CDH13: variants seen among roughly 807,000 people sequenced by gnomAD.
CDH13 encodes the protein cadherin 13.
CDH13 carries 24 observed loss-of-function variants against 63.8 expected under a neutral mutation model. That is an observed-to-expected ratio of 0.38 (90% CI 0.27 to 0.53). CDH13 has a LOEUF of 0.53. Among genes scored for constraint, CDH13 ranks in the 20% least tolerant of loss-of-function variants. The probability of loss-of-function intolerance (pLI) is 0.85; values close to 1 mark genes in which losing one functional copy is unlikely to be tolerated. For synonymous variants in CDH13, 503 were observed against 355.3 expected, an observed-to-expected ratio of 1.42 and a Z score of -4.67; for missense variants, 1,049 against 903.1, an observed-to-expected ratio of 1.16 and a Z score of -2.07.
intron 10 of CDH13, among the ~76,000 whole-genome samples, chr16:83,736,906 G>T (rs1409225567): frequency 6.6e-6 from 1 of 152,232 alleles, no homozygotes; most frequent in Non-Finnish European, 1.5e-5. Context: ...GCCTGGAACA[G>T]GTGGTGAGGA....
intron 1 of CDH13, 26 bp from the exon 2 acceptor site, chr16:82,858,336 A>G (rs770307923): frequency 6.6e-7 from 1 of 1,511,838 alleles, no homozygotes; most frequent in Non-Finnish European, 9.2e-7. Context: ...CCGCTATTAA[A>G]ATATTGATGG....
At chr16:83,697,814 A>C (rs1905612823) in intron 10 of CDH13, among the ~76,000 whole-genome samples, 1 of 152,156 alleles carries the variant, frequency 6.6e-6, no homozygotes, top group African/African-American at 2.4e-5. Flanking sequence ...TGCCTGGCTA[A>C]TTTTGTGTTT....
At position 83,588,686 on chromosome 16, in the gene CDH13, G is replaced by T. The variant is rs537728541; in HGVS notation, c.961-13768G>T. Among the ~76,000 whole-genome samples the T allele has an allele frequency of 8.5e-5, 13 of 152,336 alleles. No individual in the cohort carries two copies. In the East Asian group the frequency reaches 2.5e-3, roughly 29 times the overall value. On this transcript the variant is annotated intron_variant, in intron 7 of 13. Transcript: ENST00000567109. ...TCCGGTACTTGATATTTACCACTTT[G>T]TAGATGGCAGGACATTCATCTTCCC...
chr16:83,255,305 T>A (rs751761036), intron 5 of CDH13, among the ~76,000 whole-genome samples: 3 of 152,202 alleles, frequency 2.0e-5, no homozygotes, highest in Non-Finnish European at 4.4e-5. Context: ...CTGCCGGGCC[T>A]CCTGCTCCAT....
rs118119779 is a variant in CDH13 at position 82,781,087 on chromosome 16, G to C, written c.46-77275G>C. On this transcript the variant is annotated intron_variant, in intron 1 of 13. Coordinates refer to ENST00000567109, the MANE Select transcript of CDH13 (RefSeq NM_001257.5). ...TTCCCTAGGCATTGATTTTTTTTAA[G>C]TGTATCTTCTGAAGTTTGCCTCTAG... 5.3e-5 allele frequency among the ~76,000 whole-genome samples: 8 copies of C among 152,302 alleles called. No homozygotes were observed. In the East Asian group the frequency reaches 1.4e-3, roughly 26 times the overall value.
rs2073896700 is a variant in CDH13, at chr16:83,486,609, A to C, written c.914A>C (p.Lys305Thr). Residue 305 changes from lysine to threonine, a missense_variant, in exon 7 of 14, where the codon AAA (lysine) becomes ACA (threonine). Lys to Thr is a moderately conservative substitution (Grantham distance 78, BLOSUM62 -1). Transcript: ENST00000567109. ...SPNMFYIDPE[K>T]GDIVTVVSPA... ...AACATGTTCTACATCGATCCTGAGA[A>C]AGGAGACATTGTCACTGTTGTGTCA... 6.2e-7 allele frequency: 1 copy of C among 1,613,836 alleles called. No individual in the cohort carries two copies. Among genetic ancestry groups the C allele is most frequent in the African/African-American group, 1.3e-5 (1 of 74,930 alleles).
intron 6 of CDH13, among the ~76,000 whole-genome samples, chr16:83,354,082 TAC>T (rs1209863701): frequency 6.6e-6 from 1 of 152,260 alleles, no homozygotes; most frequent in Admixed American, 6.5e-5. Context: ...GTGATCATTC[TAC>T]AGTCTTTTGA....
chr16:82,737,735 C>G (rs1250331327), intron 1 of CDH13, among the ~76,000 whole-genome samples: 3 of 152,192 alleles, frequency 2.0e-5, no homozygotes, highest in South Asian at 4.1e-4. Context: ...CTTTTTTCTC[C>G]TTTTCCTCTT....
chr16:83,239,770 T>C (rs1904302946), intron 5 of CDH13, among the ~76,000 whole-genome samples: 1 of 152,124 alleles, frequency 6.6e-6, no homozygotes, highest in African/African-American at 2.4e-5. Flanking sequence ...GAACCAGAGT[T>C]TCCACCCTCA....
intron 6 of CDH13, among the ~76,000 whole-genome samples, chr16:83,474,179 C>T (rs1229424550): frequency 6.6e-6 from 1 of 152,128 alleles, no homozygotes; most frequent in Non-Finnish European, 1.5e-5. Context: ...GTGCACAGTC[C>T]ACACATGTAT....
At chr16:82,825,864 T>TG (rs2038224117) in intron 1 of CDH13, 1 of 151,330 alleles carries the variant, frequency 6.6e-6, no homozygotes, top group African/African-American at 2.4e-5. Flanking sequence ...TTTTTTTTTG[T>TG]TTGTTTTTGA....
chr16:82,726,719 C>G (rs906528589), intron 1 of CDH13, among the ~76,000 whole-genome samples: 3 of 152,216 alleles, frequency 2.0e-5, no homozygotes, highest in African/African-American at 7.2e-5. Context: ...TAAGAGTTAG[C>G]AGAGATTAAG....
chr16:83,629,340 C>A (rs562710309), intron 8 of CDH13, among the ~76,000 whole-genome samples: 17 of 152,268 alleles, frequency 1.1e-4, no homozygotes, highest in Admixed American at 1.0e-3. Context: ...CATATCTAGC[C>A]AAGAAAAATT....
At chr16:83,122,813 G>C (rs2035643762) in intron 3 of CDH13, among the ~76,000 whole-genome samples, 1 of 152,128 alleles carries the variant, frequency 6.6e-6, no homozygotes, top group Non-Finnish European at 1.5e-5. Flanking sequence ...GGGTACAAGT[G>C]CAGGCTTCTT....
intron 5 of CDH13, among the ~76,000 whole-genome samples, chr16:83,274,420 C>T (rs2088920024): frequency 6.6e-6 from 1 of 152,200 alleles, no homozygotes; most frequent in African/African-American, 2.4e-5. Flanking sequence ...GATCCCTTGC[C>T]TCCCTCACCT....
At chr16:83,625,484 T>G (rs13335226) in intron 8 of CDH13, among the ~76,000 whole-genome samples, 16,233 of 152,250 alleles carry the variant, frequency 0.11, 971 homozygotes, top group Non-Finnish European at 0.14. Flanking sequence ...CAGGACTGCG[T>G]GCTGAGAGCC....
intron 1 of CDH13, among the ~76,000 whole-genome samples, chr16:82,684,487 G>A (rs1914865010): frequency 6.6e-6 from 1 of 152,242 alleles, no homozygotes; most frequent in Non-Finnish European, 1.5e-5. Context: ...AATTAGTGAT[G>A]TCTGCCATGT....
intron 1 of CDH13, among the ~76,000 whole-genome samples, chr16:82,701,505 T>C (rs1186537794): frequency 6.6e-6 from 1 of 152,222 alleles, no homozygotes. Context: ...TTTAGTAGAT[T>C]GCACAACTGG....
chr16:82,952,652 A>G (rs528825107), intron 2 of CDH13, among the ~76,000 whole-genome samples: 2 of 152,306 alleles, frequency 1.3e-5, no homozygotes, highest in South Asian at 2.1e-4. Context: ...AGATGATTCA[A>G]TTCTCATACA....
Sources: gnomAD v4.1 joint callset for allele counts (sites outside exome capture counted in the v4.1 genomes callset) on GRCh38, gnomAD v4.1.1 for gene constraint, MANE v1.5 for transcripts, NCBI Gene and HGNC (gene_info 2026-07-23, HGNC 2026-07-21) for gene names.